Variants in GPHN observed in about 807,000 individuals in gnomAD.
GPHN encodes gephyrin.
GPHN carries 17 observed loss-of-function variants against 95.5 expected under a neutral mutation model. That is an observed-to-expected ratio of 0.18 (90% CI 0.12 to 0.27). The LOEUF is 0.27. GPHN is among the 10% of genes least tolerant of loss of function. GPHN has a pLI of 1.00. For synonymous variants in GPHN, 320 were observed against 322.5 expected, an observed-to-expected ratio of 0.99 and a Z score of 0.08; for missense variants, 660 against 978.1, an observed-to-expected ratio of 0.67 and a Z score of 4.34.
At chr14:66,770,401 C>T (rs2059121344) in intron 2 of GPHN, among the ~76,000 whole-genome samples, 1 of 152,154 alleles carries the variant, frequency 6.6e-6, no homozygotes, top group Non-Finnish European at 1.5e-5. Context: ...TAACTCTGCT[C>T]ATTCCTGCAT....
At chr14:67,160,671 AC>A in intron 19 of GPHN, among the ~76,000 whole-genome samples, 1 of 152,156 alleles carries the variant, frequency 6.6e-6, no homozygotes, top group Middle Eastern at 3.2e-3. Flanking sequence ...GTCAGGGACA[AC>A]AGTAATGATG....
At chr14:67,623,531 A>G in the GPHN span, among the ~76,000 whole-genome samples, 2 of 135,632 alleles carry the variant, frequency 1.5e-5, no homozygotes, top group South Asian at 4.4e-4. Context: ...ACTCTCAGGT[A>G]ACCTTTTTTT....
chr14:66,579,473 C>A (rs1372290974), intron 1 of GPHN, among the ~76,000 whole-genome samples: 1 of 150,342 alleles, frequency 6.7e-6, no homozygotes, highest in African/African-American at 2.4e-5. Context: ...CTCATTTCAT[C>A]TTTAAGGACA....
chr14:67,599,494 G>T, the GPHN span, among the ~76,000 whole-genome samples: 1 of 151,996 alleles, frequency 6.6e-6, no homozygotes, highest in Non-Finnish European at 1.5e-5. Flanking sequence ...GAGGAGGGAG[G>T]GTTAAAAAAC....
intron 2 of GPHN, among the ~76,000 whole-genome samples, chr14:66,726,478 G>T (rs889908854): frequency 6.6e-6 from 1 of 152,108 alleles, no homozygotes; most frequent in South Asian, 2.1e-4. Context: ...ATATTTTTCT[G>T]TATTTAATTG....
intron 2 of GPHN, among the ~76,000 whole-genome samples, chr14:66,741,061 C>G (rs2072751932): frequency 6.6e-6 from 1 of 152,118 alleles, no homozygotes. Context: ...GCTTCAAGCC[C>G]TTTTATAATT....
intron 1 of GPHN, among the ~76,000 whole-genome samples, chr14:66,582,643 T>G (rs2061237919): frequency 6.6e-6 from 1 of 152,080 alleles, no homozygotes; most frequent in Non-Finnish European, 1.5e-5. Flanking sequence ...TGTTTGGTTT[T>G]TTGTCCTTGC....
At chr14:67,724,547 A>G in the GPHN span, 12 of 1,613,944 alleles carry the variant, frequency 7.4e-6, no homozygotes, top group Non-Finnish European at 1.0e-5. Flanking sequence ...ACTGGCGCCA[A>G]CACGGGCATT....
At chr14:67,604,750 C>T in the GPHN span, among the ~76,000 whole-genome samples, 66,638 of 151,832 alleles carry the variant, frequency 0.44, 14,928 homozygotes, top group Admixed American at 0.56. Context: ...TCTTTTTTTT[C>T]CCTAGAAGCT....
At chr14:67,162,783 A>T (rs2082044365) in intron 19 of GPHN, among the ~76,000 whole-genome samples, 1 of 152,208 alleles carries the variant, frequency 6.6e-6, no homozygotes, top group Non-Finnish European at 1.5e-5. Flanking sequence ...ATCATGTACT[A>T]ACGCTACATA....
chr14:66,568,280 T>G (rs2060541037), intron 1 of GPHN, among the ~76,000 whole-genome samples: 1 of 152,180 alleles, frequency 6.6e-6, no homozygotes, highest in Non-Finnish European at 1.5e-5. Context: ...GTTTAGAACA[T>G]TAATACAAAT....
At chr14:67,044,642 T>G (rs149802496) in intron 10 of GPHN, among the ~76,000 whole-genome samples, 1 of 152,318 alleles carries the variant, frequency 6.6e-6, no homozygotes, top group African/African-American at 2.4e-5. Flanking sequence ...CTGCTGCTGC[T>G]TTTGTTGTTG....
At chr14:66,670,559 G>A (rs571947897) in intron 1 of GPHN, among the ~76,000 whole-genome samples, 7 of 152,134 alleles carry the variant, frequency 4.6e-5, no homozygotes, top group African/African-American at 9.7e-5. Context: ...TTGGGAGGCC[G>A]AGGTGGGTGG....
At chr14:67,383,615 T>TTGTCACACA in the GPHN span, 1 of 862,218 alleles carries the variant, frequency 1.2e-6, no homozygotes, top group South Asian at 1.4e-5. Context: ...ATGTCAGCTG[T>TTGTCACACA]TGTCACACAG....
At chr14:67,084,661 G>A (rs1228727816) in intron 11 of GPHN, among the ~76,000 whole-genome samples, 1 of 152,166 alleles carries the variant, frequency 6.6e-6, no homozygotes, top group African/African-American at 2.4e-5. Context: ...CCAGTGTCTA[G>A]CATATATTAT....
chr14:67,345,036 G>A, the GPHN span, among the ~76,000 whole-genome samples: 1 of 152,142 alleles, frequency 6.6e-6, no homozygotes. Flanking sequence ...GAGCCCAGGA[G>A]TTCGAGACCA....
At chr14:66,763,783 G>A (rs978379686) in intron 2 of GPHN, among the ~76,000 whole-genome samples, 8 of 152,058 alleles carry the variant, frequency 5.3e-5, no homozygotes, top group African/African-American at 1.7e-4. Context: ...ACAGCAGGAC[G>A]TGAGCGGCAG....
chr14:66,944,716 G>A (rs543265247), intron 8 of GPHN, among the ~76,000 whole-genome samples: 2 of 152,354 alleles, frequency 1.3e-5, no homozygotes, highest in South Asian at 2.1e-4. Flanking sequence ...GATGCCTGGG[G>A]AAGAACTTCG....
chr14:67,165,985 T>A (rs990124183), intron 20 of GPHN, among the ~76,000 whole-genome samples: 1 of 152,256 alleles, frequency 6.6e-6, no homozygotes, highest in African/African-American at 2.4e-5. Flanking sequence ...CTTCTGATCA[T>A]TCTGTTCAGT....
Sources: gnomAD v4.1 joint callset for allele counts (sites outside exome capture counted in the v4.1 genomes callset) on GRCh38, gnomAD v4.1.1 for gene constraint, MANE v1.5 for transcripts, NCBI Gene and HGNC (gene_info 2026-07-23, HGNC 2026-07-21) for gene names.